ERC2: variants seen among roughly 807,000 people sequenced by gnomAD.
The protein encoded by ERC2 is ERC protein 2.
ERC2 carries 42 observed loss-of-function variants against 114.8 expected under a neutral mutation model. That is an observed-to-expected ratio of 0.37 (90% CI 0.29 to 0.47). The LOEUF is 0.47. ERC2 is among the 20% of genes least tolerant of loss of function. The probability of loss-of-function intolerance (pLI) is 0.99; values close to 1 mark genes in which losing one functional copy is unlikely to be tolerated. For missense variants in ERC2, 939 were observed against 1,150.7 expected, an observed-to-expected ratio of 0.82 and a Z score of 2.66; for synonymous variants, 454 against 425.5, an observed-to-expected ratio of 1.07 and a Z score of -0.82.
chr3:56,311,652 T>A (rs1205266923), intron 2 of ERC2, among the ~76,000 whole-genome samples: 1 of 152,102 alleles, frequency 6.6e-6, no homozygotes, highest in Non-Finnish European at 1.5e-5. Flanking sequence ...CTAGCAATTT[T>A]GAAATGTATA....
chr3:55,750,555 T>C (rs1320403109), intron 14 of ERC2, among the ~76,000 whole-genome samples: 1 of 152,070 alleles, frequency 6.6e-6, no homozygotes, highest in Non-Finnish European at 1.5e-5. Flanking sequence ...TCACAGAGGA[T>C]AAGGGTGACA....
chr3:55,517,215 C>T (rs907198064), intron 17 of ERC2, among the ~76,000 whole-genome samples: 4 of 151,872 alleles, frequency 2.6e-5, no homozygotes, highest in Admixed American at 6.6e-5. Context: ...CAGAGGCGGG[C>T]GGATCACTTG....
At chr3:55,995,007 C>T (rs751298726) in intron 10 of ERC2, among the ~76,000 whole-genome samples, 2 of 152,140 alleles carry the variant, frequency 1.3e-5, no homozygotes, top group Non-Finnish European at 1.5e-5. Context: ...ATTAACAGAA[C>T]ACACTTCAAG....
intron 8 of ERC2, among the ~76,000 whole-genome samples, chr3:56,011,260 G>C (rs761351095): frequency 2.6e-5 from 4 of 152,194 alleles, no homozygotes; most frequent in Non-Finnish European, 4.4e-5. Context: ...TTCAGCAGCA[G>C]CTTTATTTTA....
At chr3:55,799,367 T>G (rs1016180515) in intron 14 of ERC2, among the ~76,000 whole-genome samples, 2 of 137,848 alleles carry the variant, frequency 1.5e-5, no homozygotes, top group Admixed American at 7.5e-5. Flanking sequence ...AATTCTTATA[T>G]ATATATATAT....
intron 2 of ERC2, among the ~76,000 whole-genome samples, chr3:56,397,480 A>C (rs1050486373): frequency 6.6e-6 from 1 of 152,106 alleles, no homozygotes; most frequent in Non-Finnish European, 1.5e-5. Flanking sequence ...CCTTATGTAA[A>C]TTGTAGCATG....
chr3:55,981,296 A>G (rs1385758588), intron 12 of ERC2, among the ~76,000 whole-genome samples: 1 of 152,234 alleles, frequency 6.6e-6, no homozygotes, highest in Non-Finnish European at 1.5e-5. Flanking sequence ...ACTTCACCAG[A>G]AATGTCAGCA....
rs78839503 is a variant in ERC2, at chr3:56,438,152, C to T, written c.-140-3005G>A. 9.3e-3 allele frequency among the ~76,000 whole-genome samples: 1,415 copies of T among 152,270 alleles called. 10 individuals carry two copies. Among genetic ancestry groups the T allele is most frequent in the Non-Finnish European group, 0.015 (1,052 of 68,010 alleles). On this transcript the variant is annotated intron_variant, in intron 1 of 17. Transcript: ENST00000288221. ...TAAAACTTGAGAAAGTTGCATTTGT[C>T]TTATCTGAGTTCCTTTCTAAGGAAA...
chr3:56,348,937 A>G (rs1249457516), intron 2 of ERC2, among the ~76,000 whole-genome samples: 77 of 139,416 alleles, frequency 5.5e-4, no homozygotes, highest in South Asian at 3.8e-3. Context: ...GGAAGGAAGG[A>G]AGGAAGGAAG....
At chr3:55,964,993 C>T (rs1446058731) in intron 12 of ERC2, among the ~76,000 whole-genome samples, 2 of 152,208 alleles carry the variant, frequency 1.3e-5, no homozygotes, top group Non-Finnish European at 2.9e-5. Flanking sequence ...AGAATCTCCA[C>T]TCTGCTGAGA....
At chr3:56,318,429 G>A (rs1351240073) in intron 2 of ERC2, among the ~76,000 whole-genome samples, 8 of 152,046 alleles carry the variant, frequency 5.3e-5, no homozygotes, top group African/African-American at 1.9e-4. Context: ...CGGCCACCTT[G>A]TCCTCCCAAA....
At chr3:55,513,165 A>G (rs920146997) in intron 17 of ERC2, among the ~76,000 whole-genome samples, 9 of 152,198 alleles carry the variant, frequency 5.9e-5, no homozygotes, top group African/African-American at 7.2e-5. Flanking sequence ...CGCCATTTCA[A>G]TGGTGACATC....
At chr3:56,117,791 T>C (rs1363863043) in intron 6 of ERC2, among the ~76,000 whole-genome samples, 1 of 152,246 alleles carries the variant, frequency 6.6e-6, no homozygotes, top group African/African-American at 2.4e-5. Context: ...TTCATCCTTG[T>C]CTACACTGTA....
At chr3:56,279,141 A>T (rs765938918) in intron 3 of ERC2, among the ~76,000 whole-genome samples, 1 of 152,162 alleles carries the variant, frequency 6.6e-6, no homozygotes, top group Non-Finnish European at 1.5e-5. Context: ...AGTAGTTAAA[A>T]ATAAAAATCT....
chr3:56,290,786 A>G (rs1205596773), intron 3 of ERC2, among the ~76,000 whole-genome samples: 1 of 152,208 alleles, frequency 6.6e-6, no homozygotes, highest in Non-Finnish European at 1.5e-5. Context: ...TTCAACCTGG[A>G]TAAGGAGACC....
intron 17 of ERC2, among the ~76,000 whole-genome samples, chr3:55,583,544 T>TCTTCCTTCCTTCCTTCCTTC (rs377125700): frequency 5.1e-5 from 2 of 39,028 alleles, no homozygotes; most frequent in Non-Finnish European, 9.2e-5. Context: ...TTCCTTCCTT[T>TCTTCCTTCCTTCCTTCCTTC]CTTCCTTCCT....
intron 17 of ERC2, among the ~76,000 whole-genome samples, chr3:55,671,116 TA>T (rs1027036860): frequency 6.6e-6 from 1 of 152,236 alleles, no homozygotes; most frequent in Non-Finnish European, 1.5e-5. Context: ...TATGGACAGA[TA>T]TTTTTAAAGA....
chr3:56,434,036 A>T (rs1195121985), intron 2 of ERC2: 1 of 337,094 alleles, frequency 3.0e-6, no homozygotes. Flanking sequence ...ACATCTGAAC[A>T]GCTGTTGCAA....
chr3:55,682,199 C>T (rs62249276), intron 17 of ERC2, among the ~76,000 whole-genome samples: 98 of 152,248 alleles, frequency 6.4e-4, no homozygotes, highest in Middle Eastern at 3.4e-3. Flanking sequence ...TTAATATTTT[C>T]CCTACATAGG....
Sources: gnomAD v4.1 joint callset for allele counts (sites outside exome capture counted in the v4.1 genomes callset) on GRCh38, gnomAD v4.1.1 for gene constraint, MANE v1.5 for transcripts, NCBI Gene and HGNC (gene_info 2026-07-23, HGNC 2026-07-21) for gene names.